Variants in MBD5 observed in about 807,000 individuals in gnomAD.
The protein encoded by MBD5 is methyl-CpG binding domain protein 5, also known as methyl-CpG-binding domain protein 5.
MBD5 carries 13 observed loss-of-function variants against 117.3 expected under a neutral mutation model. The observed-to-expected ratio is 0.11, with a 90% confidence interval of 0.07 to 0.18. MBD5 has a LOEUF of 0.18. MBD5 is among the 10% of genes least tolerant of loss of function. The probability of loss-of-function intolerance (pLI) is 1.00; values close to 1 mark genes in which losing one functional copy is unlikely to be tolerated. For synonymous variants in MBD5, 727 were observed against 766.4 expected (o/e 0.95, Z 0.85); for missense variants, 1,879 against 2,093.8 (o/e 0.90, Z 2.00).
At chr2:148,037,054 C>T (rs1694214891) in intron 1 of MBD5, among the ~76,000 whole-genome samples, 1 of 151,872 alleles carries the variant, frequency 6.6e-6, no homozygotes. Context: ...CTCATAATTG[C>T]TTAAGACGTA....
intron 1 of MBD5, among the ~76,000 whole-genome samples, chr2:148,110,741 C>G (rs1180182059): frequency 3.3e-5 from 5 of 151,828 alleles, no homozygotes. Flanking sequence ...TGCTGGTCCT[C>G]TCAGGCTGGT....
At chr2:148,074,768 C>G (rs934664650) in intron 1 of MBD5, among the ~76,000 whole-genome samples, 4 of 152,024 alleles carry the variant, frequency 2.6e-5, no homozygotes, top group African/African-American at 9.7e-5. Context: ...TCCCAAAGTG[C>G]TGGGATTACA....
chr2:148,500,725 A>C (rs1251849290), intron 11 of MBD5, among the ~76,000 whole-genome samples: 2 of 152,216 alleles, frequency 1.3e-5, no homozygotes, highest in African/African-American at 4.8e-5. Context: ...TAAGTCTAAT[A>C]GAAGTTTATG....
At chr2:148,461,927 A>G (rs560772099) in intron 5 of MBD5, among the ~76,000 whole-genome samples, 1 of 152,118 alleles carries the variant, frequency 6.6e-6, no homozygotes, top group Non-Finnish European at 1.5e-5. Flanking sequence ...ATTTCCTCAT[A>G]AGTTTCCTTT....
chr2:148,395,837 A>AG (rs1704699155), intron 4 of MBD5, among the ~76,000 whole-genome samples: 1 of 152,130 alleles, frequency 6.6e-6, no homozygotes, highest in Non-Finnish European at 1.5e-5. Flanking sequence ...CCACACTCTC[A>AG]TGGGCAAGAG....
intron 4 of MBD5, among the ~76,000 whole-genome samples, chr2:148,425,598 G>A (rs1419944392): frequency 6.6e-6 from 1 of 152,150 alleles, no homozygotes. Flanking sequence ...GAAAATTTCA[G>A]GCCAATATCC....
At chr2:148,299,561 T>C (rs1701735582) in intron 3 of MBD5, among the ~76,000 whole-genome samples, 1 of 152,186 alleles carries the variant, frequency 6.6e-6, no homozygotes, top group African/African-American at 2.4e-5. Context: ...CGGAGAAAAA[T>C]GAAGGACCGA....
intron 1 of MBD5, among the ~76,000 whole-genome samples, chr2:148,155,659 C>T (rs936024171): frequency 7.9e-5 from 12 of 152,142 alleles, no homozygotes; most frequent in African/African-American, 1.4e-4. Flanking sequence ...GCTCACATGC[C>T]GTATTCAACA....
intron 1 of MBD5, among the ~76,000 whole-genome samples, chr2:148,176,350 G>T: frequency 7.8e-6 from 1 of 128,466 alleles, no homozygotes. Context: ...TGGTATATGT[G>T]TATGAATATA....
In MBD5 at chr2:148,411,747, C is replaced by T. The variant is rs949617094; in HGVS notation, c.-556-46456C>T. Among the ~76,000 whole-genome samples the T allele has an allele frequency of 2.0e-5, 3 of 151,848 alleles. No individual in the cohort carries two copies. The East Asian group carries it at 5.8e-4, about 29-fold the overall frequency. ...TCCTTATAGATTCTGGATATTAGAA[C>T]TTTTTCAGATGAATAGTTTGCAAAT... On this transcript the variant is annotated intron_variant, in intron 4 of 13. Transcript: ENST00000642680.
intron 3 of MBD5, among the ~76,000 whole-genome samples, chr2:148,235,689 A>G (rs999996445): frequency 6.6e-6 from 1 of 152,160 alleles, no homozygotes; most frequent in African/African-American, 2.4e-5. Flanking sequence ...CAGTGCATAT[A>G]CAAGGTATCT....
At chr2:148,358,598 T>G (rs1335524103) in intron 4 of MBD5, among the ~76,000 whole-genome samples, 3 of 110,488 alleles carry the variant, frequency 2.7e-5, no homozygotes, top group African/African-American at 7.0e-5. Context: ...GGGCAACAGG[T>G]GAAACCCCCA....
chr2:148,160,378 CA>C (rs1449934134), intron 1 of MBD5, among the ~76,000 whole-genome samples: 1 of 152,038 alleles, frequency 6.6e-6, no homozygotes, highest in Non-Finnish European at 1.5e-5. Context: ...GCCTGGGTGT[CA>C]GATCAATACT....
intron 4 of MBD5, among the ~76,000 whole-genome samples, chr2:148,438,710 C>A (rs1197675762): frequency 6.6e-6 from 1 of 152,108 alleles, no homozygotes; most frequent in African/African-American, 2.4e-5. Context: ...GCTGGAGATC[C>A]TGGGATGCCA....
chr2:148,060,797 A>G (rs1269559403), intron 1 of MBD5, among the ~76,000 whole-genome samples: 1 of 152,142 alleles, frequency 6.6e-6, no homozygotes, highest in African/African-American at 2.4e-5. Context: ...GATTTTTACC[A>G]TTCTTCACAG....
chr2:148,143,637 G>A (rs1328879430), intron 1 of MBD5, among the ~76,000 whole-genome samples: 1 of 152,112 alleles, frequency 6.6e-6, no homozygotes, highest in Non-Finnish European at 1.5e-5. Context: ...GGTGTGTGAT[G>A]TTCCCCACCC....
intron 4 of MBD5, among the ~76,000 whole-genome samples, chr2:148,370,958 A>G (rs1419302602): frequency 9.3e-4 from 142 of 152,194 alleles, no homozygotes; most frequent in Non-Finnish European, 5.9e-5. Context: ...ATATATGAGT[A>G]TATTTGAAGC....
In MBD5 at chr2:148,469,315, C is replaced by A. The variant is rs990365646; in HGVS notation, c.1372C>A (p.Gln458Lys). 1 of 1,613,686 alleles carries A rather than the reference C, an allele frequency of 6.2e-7. No individual in the cohort carries two copies. The highest frequency in any genetic ancestry group is 1.3e-5 in the African/African-American group (1 of 74,884). ...AATTGGAAGGATTGAGGCATCGCCC[C>A]AAAGATCACGCTCATCTTCCACATC... is the stretch of plus-strand genomic sequence containing the variant. ...TGIGRIEASP[Q>K]RSRSSSTSSD... Residue 458 changes from glutamine to lysine, a missense_variant, in exon 8 of 14, where the codon CAA becomes AAA. Transcript: ENST00000642680.
chr2:148,308,024 C>A (rs545054746), intron 3 of MBD5, among the ~76,000 whole-genome samples: 28 of 152,246 alleles, frequency 1.8e-4, no homozygotes, highest in African/African-American at 4.6e-4. Context: ...GCCACAATTT[C>A]TTTATCTAGT....
Sources: gnomAD v4.1 joint callset for allele counts (sites outside exome capture counted in the v4.1 genomes callset) on GRCh38, gnomAD v4.1.1 for gene constraint, MANE v1.5 for transcripts, NCBI Gene and HGNC (gene_info 2026-07-23, HGNC 2026-07-21) for gene names.